Variants in SGCD observed in about 807,000 individuals in gnomAD.
SGCD encodes sarcoglycan delta, also known as delta-sarcoglycan.
SGCD carries 18 observed loss-of-function variants against 36.6 expected under a neutral mutation model. The observed-to-expected ratio is 0.49, with a 90% CI of 0.34 to 0.73. The LOEUF is 0.73. Ranked by LOEUF, SGCD falls within the 30% of genes least tolerant of loss-of-function variation. SGCD has a pLI of 0.01. For synonymous variants in SGCD, 133 were observed against 130.6 expected (o/e 1.02, Z -0.12); for missense variants, 387 against 346.7 (o/e 1.12, Z -0.92).
intron 4 of SGCD, among the ~76,000 whole-genome samples, chr5:156,528,895 T>C (rs1757758683): frequency 6.6e-6 from 1 of 152,218 alleles, no homozygotes; most frequent in Non-Finnish European, 1.5e-5. Flanking sequence ...CAACATCATC[T>C]AATACTTTTG....
At chr5:156,350,431 G>A (rs947617924) in intron 3 of SGCD, among the ~76,000 whole-genome samples, 1 of 151,588 alleles carries the variant, frequency 6.6e-6, no homozygotes, top group Non-Finnish European at 1.5e-5. Flanking sequence ...GTGAAACCTT[G>A]GTGATCTATC....
the SGCD span, among the ~76,000 whole-genome samples, chr5:155,745,604 A>AGG: frequency 6.6e-6 from 1 of 152,066 alleles, no homozygotes. Flanking sequence ...TTACAAACTG[A>AGG]AAAGTTTTTT....
At chr5:155,864,263 GGTGATGGA>G in the SGCD span, among the ~76,000 whole-genome samples, 1 of 152,166 alleles carries the variant, frequency 6.6e-6, no homozygotes, top group South Asian at 2.1e-4. Context: ...AGTTCAGAGA[GGTGATGGA>G]GTGATGTATG....
chr5:156,629,306 G>A (rs1043388062), intron 6 of SGCD, among the ~76,000 whole-genome samples: 1 of 152,112 alleles, frequency 6.6e-6, no homozygotes, highest in African/African-American at 2.4e-5. Context: ...TGATAGTACT[G>A]GGGACATAAT....
chr5:156,428,829 A>G (rs1484931935), intron 3 of SGCD, among the ~76,000 whole-genome samples: 1 of 152,034 alleles, frequency 6.6e-6, no homozygotes, highest in Non-Finnish European at 1.5e-5. Flanking sequence ...ATTTCCATAT[A>G]TTTGTATAGT....
intron 3 of SGCD, among the ~76,000 whole-genome samples, chr5:156,126,178 G>A (rs1382064715): frequency 6.6e-6 from 1 of 152,092 alleles, no homozygotes; most frequent in African/African-American, 2.4e-5. Flanking sequence ...ACCATGCCCG[G>A]CCTTTCCACA....
chr5:156,095,751 G>T (rs1227356626), intron 1 of SGCD, among the ~76,000 whole-genome samples: 3 of 152,176 alleles, frequency 2.0e-5, no homozygotes, highest in Non-Finnish European at 4.4e-5. Context: ...TAAACAAATT[G>T]TCACTCAAGT....
chr5:156,584,523 C>T (rs938776750), intron 4 of SGCD, among the ~76,000 whole-genome samples: 2 of 152,176 alleles, frequency 1.3e-5, no homozygotes, highest in African/African-American at 4.8e-5. Context: ...AAAGAGGGCA[C>T]ATTCACTACC....
chr5:155,740,737 C>G, the SGCD span, among the ~76,000 whole-genome samples: 1 of 152,192 alleles, frequency 6.6e-6, no homozygotes, highest in Non-Finnish European at 1.5e-5. Flanking sequence ...GTAAAAAATA[C>G]ATCACTGGTT....
intron 3 of SGCD, among the ~76,000 whole-genome samples, chr5:156,287,528 G>A (rs1396335662): frequency 2.0e-5 from 3 of 152,028 alleles, no homozygotes; most frequent in Non-Finnish European, 4.4e-5. Flanking sequence ...ATAGGTGGTA[G>A]GTCAGAGTGA....
intron 1 of SGCD, among the ~76,000 whole-genome samples, chr5:156,023,646 T>C (rs916762691): frequency 2.0e-5 from 3 of 152,154 alleles, no homozygotes; most frequent in Non-Finnish European, 2.9e-5. Flanking sequence ...GGTGCCAAAG[T>C]GTTGAGATGG....
chr5:156,478,280 C>T (rs1380531346), intron 3 of SGCD, among the ~76,000 whole-genome samples: 1 of 152,134 alleles, frequency 6.6e-6, no homozygotes. Context: ...TTCACCCAGC[C>T]AGGAGTTGAG....
intron 3 of SGCD, among the ~76,000 whole-genome samples, chr5:156,219,271 G>T (rs1056678331): frequency 6.6e-6 from 1 of 152,138 alleles, no homozygotes; most frequent in Non-Finnish European, 1.5e-5. Context: ...TATAAGGATA[G>T]AATTGGGGAA....
chr5:156,434,701 C>T (rs557420514), intron 3 of SGCD, among the ~76,000 whole-genome samples: 1 of 152,268 alleles, frequency 6.6e-6, no homozygotes, highest in South Asian at 2.1e-4. Context: ...TAATGTTTCC[C>T]TAATCATTAG....
At chr5:155,865,717 A>G (rs564890711), upstream of SGCD, among the ~76,000 whole-genome samples, 28 of 152,324 alleles carry the variant, frequency 1.8e-4, no homozygotes, top group Middle Eastern at 3.4e-3. Context: ...ATTATATAAT[A>G]TATGTTTTAA....
chr5:155,732,463 A>G, the SGCD span, among the ~76,000 whole-genome samples: 1 of 152,128 alleles, frequency 6.6e-6, no homozygotes, highest in Non-Finnish European at 1.5e-5. Flanking sequence ...ATCTTTCCCA[A>G]GCTTTCTCCC....
intron 6 of SGCD, among the ~76,000 whole-genome samples, chr5:156,597,861 A>G (rs1247281528): frequency 6.6e-6 from 1 of 152,176 alleles, no homozygotes; most frequent in Non-Finnish European, 1.5e-5. Flanking sequence ...CACCATTTTT[A>G]TCACCCCTGT....
At chr5:155,945,805 A>G (rs781670599) in intron 1 of SGCD, among the ~76,000 whole-genome samples, 1 of 152,136 alleles carries the variant, frequency 6.6e-6, no homozygotes, top group Non-Finnish European at 1.5e-5. Context: ...CACAGTGAGG[A>G]AGTTTTCACC....
intron 1 of SGCD, among the ~76,000 whole-genome samples, chr5:156,078,569 ATATT>A (rs1760860467): frequency 1.1e-5 from 1 of 95,234 alleles, no homozygotes; most frequent in Non-Finnish European, 1.7e-5. Flanking sequence ...ATTTATATAT[ATATT>A]TATATTTATA....
Sources: allele counts gnomAD v4.1 joint callset (sites outside exome capture counted in the v4.1 genomes callset), GRCh38; gene constraint gnomAD v4.1.1; transcripts MANE v1.5; gene names NCBI Gene and HGNC (gene_info 2026-07-23, HGNC 2026-07-21).